The following DLG2 variants were observed in gnomAD, a reference collection of about 807,000 sequenced individuals.
DLG2 encodes the protein disks large homolog 2.
A neutral mutation model predicts 132.5 loss-of-function variants in DLG2; 45 were observed. The ratio of observed to expected loss-of-function variants is 0.34; its 90% CI spans 0.27 to 0.44. The LOEUF (loss-of-function observed/expected upper bound fraction) is 0.44, where lower values mean the gene tolerates loss of function less well. Among genes scored for constraint, DLG2 ranks in the 20% least tolerant of loss-of-function variants. The probability of loss-of-function intolerance (pLI) is 1.00; values close to 1 mark genes in which losing one functional copy is unlikely to be tolerated. For synonymous variants in DLG2, 424 were observed against 419.6 expected (o/e 1.01, Z -0.13); for missense variants, 1,045 against 1,196.9 (o/e 0.87, Z 1.87).
At chr11:83,509,811 T>TGCAAGCTGAAAGG (rs2094914797) in intron 21 of DLG2, among the ~76,000 whole-genome samples, 1 of 152,000 alleles carries the variant, frequency 6.6e-6, no homozygotes, top group Non-Finnish European at 1.5e-5. Context: ...TGGGAGAAAG[T>TGCAAGCTGAAAGG]GCAAGCTGAA....
intron 6 of DLG2, among the ~76,000 whole-genome samples, chr11:84,690,458 A>G (rs900885888): frequency 6.6e-6 from 1 of 151,826 alleles, no homozygotes; most frequent in Non-Finnish European, 1.5e-5. Flanking sequence ...GATTGGAAAA[A>G]AAAAAGAAAA....
At chr11:84,647,439 GCACATCAGA>G (rs1365477895) in intron 6 of DLG2, among the ~76,000 whole-genome samples, 1 of 152,108 alleles carries the variant, frequency 6.6e-6, no homozygotes, top group African/African-American at 2.4e-5. Flanking sequence ...CAAATCCTAG[GCACATCAGA>G]CTACGATTAT....
At chr11:85,016,924 C>T (rs1017099047) in intron 6 of DLG2, among the ~76,000 whole-genome samples, 2 of 152,158 alleles carry the variant, frequency 1.3e-5, no homozygotes, top group Non-Finnish European at 2.9e-5. Context: ...TCTGCTCTCC[C>T]ATCTATAGCA....
At chr11:83,612,982 A>G (rs2060325631) in intron 19 of DLG2, among the ~76,000 whole-genome samples, 1 of 152,212 alleles carries the variant, frequency 6.6e-6, no homozygotes, top group Non-Finnish European at 1.5e-5. Flanking sequence ...AATGGCTGGA[A>G]GCGAATGACA....
intron 6 of DLG2, among the ~76,000 whole-genome samples, chr11:84,672,723 A>G (rs551014135): frequency 4.0e-4 from 61 of 152,196 alleles, no homozygotes; most frequent in Middle Eastern, 6.8e-3. Flanking sequence ...TACAGCTCTG[A>G]TAGTTAAAGT....
intron 19 of DLG2, among the ~76,000 whole-genome samples, chr11:83,582,712 T>G (rs1371282912): frequency 6.6e-6 from 1 of 152,212 alleles, no homozygotes; most frequent in African/African-American, 2.4e-5. Context: ...GTATTAATAA[T>G]GATAGTTCTT....
chr11:84,489,044 A>G (rs1035863396), intron 7 of DLG2, among the ~76,000 whole-genome samples: 3 of 152,174 alleles, frequency 2.0e-5, no homozygotes, highest in Non-Finnish European at 2.9e-5. Context: ...ATAATTTCAC[A>G]TAATATTGTA....
intron 21 of DLG2, among the ~76,000 whole-genome samples, chr11:83,510,830 G>GTTTTTT (rs566973328): frequency 6.8e-5 from 6 of 88,772 alleles, no homozygotes; most frequent in Admixed American, 1.4e-4. Flanking sequence ...TGAACCATCC[G>GTTTTTT]TTTTTTTTTT....
intron 6 of DLG2, among the ~76,000 whole-genome samples, chr11:84,920,175 A>C (rs1023122687): frequency 6.6e-6 from 1 of 152,326 alleles, no homozygotes; most frequent in Non-Finnish European, 1.5e-5. Context: ...AGTCAATTCA[A>C]GCAGCATTGG....
At chr11:84,504,125 A>T (rs2099231175) in intron 7 of DLG2, among the ~76,000 whole-genome samples, 1 of 152,206 alleles carries the variant, frequency 6.6e-6, no homozygotes, top group Non-Finnish European at 1.5e-5. Flanking sequence ...TATCTCATTT[A>T]GGAACTATGA....
At chr11:84,720,451 G>A (rs1167490036) in intron 6 of DLG2, 10 of 985,230 alleles carry the variant, frequency 1.0e-5, no homozygotes, top group Non-Finnish European at 1.2e-5. Context: ...CGCTGTGCTC[G>A]CCGGGCACAT....
At chr11:84,152,608 G>A (rs1024524261) in intron 9 of DLG2, among the ~76,000 whole-genome samples, 1 of 151,898 alleles carries the variant, frequency 6.6e-6, no homozygotes, top group East Asian at 1.9e-4. Context: ...GGATGGTCTC[G>A]ATCTCCTGAC....
chr11:83,769,560 C>CT (rs143446772), intron 18 of DLG2, among the ~76,000 whole-genome samples: 2,223 of 124,016 alleles, frequency 0.018, 33 homozygotes, highest in African/African-American at 0.023. Context: ...ACTCTAGCTT[C>CT]TTTTTTTTTT....
At chr11:84,319,270 C>T (rs764328890) in intron 7 of DLG2, among the ~76,000 whole-genome samples, 10 of 151,872 alleles carry the variant, frequency 6.6e-5, no homozygotes, top group South Asian at 4.2e-4. Context: ...ACTGTTGGGT[C>T]GAAGAAAACC....
chr11:84,406,417 C>T (rs1601576555), intron 7 of DLG2, among the ~76,000 whole-genome samples: 1 of 152,164 alleles, frequency 6.6e-6, no homozygotes, highest in Non-Finnish European at 1.5e-5. Context: ...CTCCTGGGCT[C>T]AAATGGTCCT....
chr11:85,433,258 C>T lies in DLG2; in HGVS notation c.41-147893G>A, dbSNP rs117961009. On this transcript the variant is annotated intron_variant, in intron 3 of 27. Transcript: ENST00000376104. ...TGACACTATGAAGAAATGGCATCAA[C>T]TAGTATACAAAATAAGCAGCTAGCG... is the stretch of plus-strand genomic sequence containing the variant. 2.4e-3 allele frequency among the ~76,000 whole-genome samples: 373 copies of T among 152,268 alleles called. 1 individual carries two copies. The highest frequency in any genetic ancestry group is 3.9e-3 in the Non-Finnish European group (265 of 68,018).
intron 3 of DLG2, among the ~76,000 whole-genome samples, chr11:85,440,438 T>C (rs557327491): frequency 6.6e-6 from 1 of 152,228 alleles, no homozygotes; most frequent in Non-Finnish European, 1.5e-5. Context: ...CCAGACATTT[T>C]TCTCATTTCT....
At chr11:85,627,378 A>G (rs2082089369), upstream of DLG2, 1 of 152,112 alleles carries the variant, frequency 6.6e-6, no homozygotes, top group Admixed American at 6.5e-5. Flanking sequence ...TGGCATGGAG[A>G]CATTAAAGTG....
At chr11:85,107,763 G>A (rs920241411) in intron 6 of DLG2, among the ~76,000 whole-genome samples, 2 of 151,702 alleles carry the variant, frequency 1.3e-5, no homozygotes, top group Admixed American at 6.6e-5. Flanking sequence ...ATAGCCGCAC[G>A]ATAGGAGAGA....
Sources: gnomAD v4.1 joint callset for allele counts (sites outside exome capture counted in the v4.1 genomes callset) on GRCh38, gnomAD v4.1.1 for gene constraint, MANE v1.5 for transcripts, NCBI Gene and HGNC (gene_info 2026-07-23, HGNC 2026-07-21) for gene names.